The following NTNG1 variants were observed in gnomAD, a reference collection of about 807,000 sequenced individuals.
The protein encoded by NTNG1 is netrin G1.
In NTNG1, 16 loss-of-function variants were observed where a neutral mutation model predicts 54.0. That is an observed-to-expected ratio of 0.30 (90% CI 0.20 to 0.45). The LOEUF is 0.45. Ranked by LOEUF, NTNG1 falls within the 20% of genes least tolerant of loss-of-function variation. The probability of loss-of-function intolerance (pLI) is 1.00; values close to 1 mark genes in which losing one functional copy is unlikely to be tolerated. For synonymous variants in NTNG1, 255 were observed against 263.1 expected (o/e 0.97, Z 0.30); for missense variants, 530 against 678.7 (o/e 0.78, Z 2.43).
chr1:107,174,640 C>T (rs1656503407), intron 2 of NTNG1, among the ~76,000 whole-genome samples: 1 of 151,978 alleles, frequency 6.6e-6, no homozygotes, highest in South Asian at 2.1e-4. Flanking sequence ...TAGTTCACCT[C>T]TTAGAGCAAG....
intron 6 of NTNG1, 87 bp from the exon 7 acceptor site, chr1:107,436,578 T>A (rs1463462022): frequency 9.4e-7 from 1 of 1,066,778 alleles, no homozygotes; most frequent in African/African-American, 1.6e-5. Flanking sequence ...AAGTAAGTGA[T>A]GCATTTAAGT....
chr1:107,450,013 G>A (rs1676528231), intron 7 of NTNG1, among the ~76,000 whole-genome samples: 1 of 152,012 alleles, frequency 6.6e-6, no homozygotes, highest in Non-Finnish European at 1.5e-5. Context: ...AAAAATGTAT[G>A]ACTGCTTTAT....
At chr1:107,197,805 A>G (rs1259088845) in intron 2 of NTNG1, among the ~76,000 whole-genome samples, 1 of 151,940 alleles carries the variant, frequency 6.6e-6, no homozygotes, top group Non-Finnish European at 1.5e-5. Context: ...TATGGATATA[A>G]TTGATAATCT....
intron 5 of NTNG1, among the ~76,000 whole-genome samples, chr1:107,421,458 T>C (rs371371253): frequency 1.1e-4 from 16 of 152,044 alleles, no homozygotes; most frequent in East Asian, 3.9e-4. Context: ...CTCACTTGCA[T>C]TGAAAATAAG....
At chr1:107,421,343 A>G (rs1202092522) in intron 5 of NTNG1, among the ~76,000 whole-genome samples, 1 of 152,092 alleles carries the variant, frequency 6.6e-6, no homozygotes, top group East Asian at 1.9e-4. Flanking sequence ...CTTGACTGCA[A>G]TTAAAAATGT....
intron 7 of NTNG1, among the ~76,000 whole-genome samples, chr1:107,439,925 C>T (rs1412231805): frequency 4.6e-5 from 7 of 151,874 alleles, no homozygotes; most frequent in Non-Finnish European, 2.9e-5. Context: ...CTCAAAAATG[C>T]CCCTTGAGTG....
intron 5 of NTNG1, among the ~76,000 whole-genome samples, chr1:107,426,203 T>C (rs967978661): frequency 2.0e-5 from 3 of 152,104 alleles, no homozygotes; most frequent in Non-Finnish European, 2.9e-5. Flanking sequence ...TTTTTGTTTT[T>C]GTTGTATTTG....
intron 7 of NTNG1, among the ~76,000 whole-genome samples, chr1:107,460,621 T>G (rs1410584335): frequency 6.6e-6 from 1 of 152,246 alleles, no homozygotes; most frequent in Admixed American, 6.5e-5. Context: ...TAGCTTCTTT[T>G]TTTTGACAGC....
chr1:107,160,528 A>G (rs1655328815), intron 2 of NTNG1, among the ~76,000 whole-genome samples: 1 of 152,120 alleles, frequency 6.6e-6, no homozygotes, highest in Admixed American at 6.6e-5. Context: ...AAGCTATTAT[A>G]AAATAGAGAC....
At chr1:107,353,090 A>G (rs573853617) in intron 3 of NTNG1, among the ~76,000 whole-genome samples, 1 of 152,344 alleles carries the variant, frequency 6.6e-6, no homozygotes, top group African/African-American at 2.4e-5. Flanking sequence ...GGATATTAAC[A>G]TTTGCATAAG....
intron 3 of NTNG1, among the ~76,000 whole-genome samples, chr1:107,365,602 A>G (rs1488147144): frequency 1.3e-5 from 2 of 152,214 alleles, no homozygotes; most frequent in Non-Finnish European, 2.9e-5. Flanking sequence ...AAAAATTCAA[A>G]TTCAGCCATA....
intron 5 of NTNG1, among the ~76,000 whole-genome samples, chr1:107,424,492 TCTG>T (rs763918199): frequency 3.3e-5 from 5 of 152,108 alleles, no homozygotes; most frequent in Non-Finnish European, 5.9e-5. Flanking sequence ...AGTCACTCTG[TCTG>T]CTGTGTGGAG....
chr1:107,163,987 A>G (rs544540349), intron 2 of NTNG1, among the ~76,000 whole-genome samples: 22 of 152,310 alleles, frequency 1.4e-4, no homozygotes, highest in Non-Finnish European at 2.1e-4. Context: ...AAAGCATCCA[A>G]TGGATTTCCG....
At chr1:107,427,342 AATGGGAGGTC>A (rs1674976998) in intron 5 of NTNG1, among the ~76,000 whole-genome samples, 1 of 152,036 alleles carries the variant, frequency 6.6e-6, no homozygotes, top group African/African-American at 2.4e-5. Context: ...TATAAGAAGA[AATGGGAGGTC>A]ATGGGAGGTC....
At chr1:107,434,722 C>T (rs1022896660) in intron 6 of NTNG1, among the ~76,000 whole-genome samples, 1 of 151,998 alleles carries the variant, frequency 6.6e-6, no homozygotes, top group African/African-American at 2.4e-5. Context: ...AATGAAGCAC[C>T]CCCTGCCAGG....
intron 7 of NTNG1, among the ~76,000 whole-genome samples, chr1:107,471,560 C>G (rs1346244745): frequency 2.0e-5 from 3 of 152,154 alleles, no homozygotes; most frequent in Non-Finnish European, 4.4e-5. Flanking sequence ...TATTTATGTG[C>G]TCTGATTGAT....
At position 107,324,791 on chromosome 1, in the gene NTNG1, A is replaced by C. The variant is rs892346088; in HGVS notation, c.756A>C (p.Lys252Asn). 6 of 1,613,580 alleles carry C rather than the reference A, an allele frequency of 3.7e-6. No homozygotes were observed. The highest frequency in any genetic ancestry group is 5.1e-6 in the Non-Finnish European group (6 of 1,179,762). The change falls in exon 3 of 8, where the codon AAA becomes AAC. Residue 252 changes from lysine to asparagine, a missense_variant. Around this residue, in one of 2 missense-constraint regions of NTNG1, gnomAD observed 318 missense variants for 465.1 expected, o/e 0.68. Transcript: ENST00000370068. ...SLYGQLDTTK[K>N]LRDFFTVTDL... ...ACGGACAGCTGGATACAACCAAGAA[A>C]CTCAGAGATTTCTTTACAGTCACAG...
intron 2 of NTNG1, among the ~76,000 whole-genome samples, chr1:107,210,710 T>TG (rs148941795): frequency 0.047 from 7,196 of 151,622 alleles, 172 homozygotes; most frequent in African/African-American, 0.059. Context: ...TATGTGTCAC[T>TG]GCCAAGGAAT....
intron 7 of NTNG1, among the ~76,000 whole-genome samples, chr1:107,450,931 A>G (rs1676581851): frequency 6.6e-6 from 1 of 152,102 alleles, no homozygotes; most frequent in Non-Finnish European, 1.5e-5. Flanking sequence ...CTACCTGGGC[A>G]GAAACCAGTT....
Sources: gnomAD v4.1 joint callset for allele counts (sites outside exome capture counted in the v4.1 genomes callset) on GRCh38, gnomAD v4.1.1 for gene constraint, gnomAD v4.1.1 regional missense constraint, MANE v1.5 for transcripts, NCBI Gene and HGNC (gene_info 2026-07-23, HGNC 2026-07-21) for gene names.